The following MAF variants were observed in gnomAD, a reference collection of about 807,000 sequenced individuals.
MAF encodes the protein MAF bZIP transcription factor.
A neutral mutation model predicts 22.0 loss-of-function variants in MAF; 10 were observed. The ratio of observed to expected loss-of-function variants is 0.45; its 90% CI spans 0.28 to 0.77. The LOEUF (loss-of-function observed/expected upper bound fraction) is 0.77, where lower values mean the gene tolerates loss of function less well. Among genes scored for constraint, MAF ranks in the 30% least tolerant of loss-of-function variants. MAF has a pLI of 0.12. For missense variants in MAF, 544 were observed against 548.4 expected, an observed-to-expected ratio of 0.99 and a Z score of 0.08; for synonymous variants, 337 against 255.8, an observed-to-expected ratio of 1.32 and a Z score of -3.03.
At chr16:79,495,182 C>G in the MAF span, among the ~76,000 whole-genome samples, 1 of 152,088 alleles carries the variant, frequency 6.6e-6, no homozygotes, top group Non-Finnish European at 1.5e-5. Flanking sequence ...AAAGATGTGG[C>G]CAAACTCGGT....
chr16:79,541,809 C>T, the MAF span, among the ~76,000 whole-genome samples: 3 of 151,940 alleles, frequency 2.0e-5, no homozygotes, highest in Non-Finnish European at 4.4e-5. Context: ...GCAGGCACCA[C>T]CACGCCCAGC....
At chr16:79,516,036 CT>C in the MAF span, 2 of 148,440 alleles carry the variant, frequency 1.3e-5, no homozygotes, top group African/African-American at 5.0e-5. Context: ...GCTCAAGTGG[CT>C]CCTATCCCAT....
the MAF span, among the ~76,000 whole-genome samples, chr16:79,530,159 C>T: frequency 2.6e-5 from 4 of 152,026 alleles, no homozygotes; most frequent in African/African-American, 9.7e-5. Context: ...TGAAGATATC[C>T]CATAACAATT....
the MAF span, among the ~76,000 whole-genome samples, chr16:79,534,316 T>C: frequency 3.3e-5 from 5 of 152,208 alleles, no homozygotes; most frequent in Non-Finnish European, 7.3e-5. Context: ...TCCTTCTACC[T>C]CACCGCATTA....
In MAF at chr16:79,600,027, C is replaced by A; in HGVS notation, c.-125G>T. On this transcript the variant is annotated 5_prime_UTR_variant, in exon 1 of 2. Transcript: ENST00000326043. The stretch of plus-strand genomic sequence containing the variant: ...GCCGGGCTGGGGCGCTTCTAGCTTG[C>A]GCGGCGGTGGCTGGCCCGAAACCTC... The A allele has an allele frequency of 1.4e-6, 2 of 1,386,716 alleles. No homozygotes were observed. The highest frequency in any genetic ancestry group is 1.3e-5 in the South Asian group (1 of 79,428). The allele number at this position is 1,386,716 out of a possible 1,614,324, so 85.9% of individuals were successfully genotyped here.
chr16:79,389,847 G>A, the MAF span, among the ~76,000 whole-genome samples: 2 of 151,274 alleles, frequency 1.3e-5, no homozygotes, highest in East Asian at 2.0e-4. Flanking sequence ...GTGGTGGTGG[G>A]CGCCTGTAGT....
chr16:79,348,149 C>G, the MAF span, among the ~76,000 whole-genome samples: 1 of 152,248 alleles, frequency 6.6e-6, no homozygotes, highest in Admixed American at 6.5e-5. Context: ...TTTGGATGGC[C>G]AAACGGCCTC....
chr16:79,575,802 G>A, the MAF span, among the ~76,000 whole-genome samples: 16 of 152,164 alleles, frequency 1.1e-4, no homozygotes, highest in African/African-American at 3.9e-4. Context: ...AAACCTGAAA[G>A]CATAGTTTTT....
the MAF span, among the ~76,000 whole-genome samples, chr16:79,225,031 C>A: frequency 2.0e-5 from 3 of 152,244 alleles, no homozygotes; most frequent in African/African-American, 7.2e-5. Flanking sequence ...TCATATGGAA[C>A]CAAAAAAGAG....
At chr16:79,491,062 A>T in the MAF span, among the ~76,000 whole-genome samples, 5 of 152,250 alleles carry the variant, frequency 3.3e-5, no homozygotes, top group Non-Finnish European at 7.3e-5. Flanking sequence ...GATAGTCTGA[A>T]TTCCGAAAGG....
chr16:79,211,663 T>A, the MAF span: 3 of 1,614,220 alleles, frequency 1.9e-6, no homozygotes, highest in Non-Finnish European at 2.5e-6. Context: ...CTGGAGGGTC[T>A]GGGAGGGATG....
At chr16:79,554,399 G>A in the MAF span, among the ~76,000 whole-genome samples, 2 of 152,162 alleles carry the variant, frequency 1.3e-5, no homozygotes, top group Non-Finnish European at 2.9e-5. Context: ...GTAGAAAAAC[G>A]TGGGCTACAT....
At chr16:79,397,754 G>A in the MAF span, among the ~76,000 whole-genome samples, 3 of 152,108 alleles carry the variant, frequency 2.0e-5, no homozygotes, top group Non-Finnish European at 2.9e-5. Flanking sequence ...GGCCAGGCTG[G>A]CTCTAAGGGT....
At chr16:79,534,775 T>G in the MAF span, among the ~76,000 whole-genome samples, 3 of 152,144 alleles carry the variant, frequency 2.0e-5, no homozygotes, top group Non-Finnish European at 2.9e-5. Context: ...CTGTGACCAG[T>G]TGTCAGGCAC....
chr16:79,536,058 T>G, the MAF span, among the ~76,000 whole-genome samples: 1 of 152,210 alleles, frequency 6.6e-6, no homozygotes, highest in African/African-American at 2.4e-5. Context: ...CAATAGGTGC[T>G]CAGTAAATAC....
chr16:79,409,631 C>A, the MAF span, among the ~76,000 whole-genome samples: 3 of 152,212 alleles, frequency 2.0e-5, no homozygotes, highest in Non-Finnish European at 4.4e-5. Flanking sequence ...ACCCAGCTCA[C>A]TGAATCCCTC....
the MAF span, among the ~76,000 whole-genome samples, chr16:79,394,457 T>G: frequency 6.6e-6 from 1 of 152,194 alleles, no homozygotes; most frequent in African/African-American, 2.4e-5. Context: ...ATGCATCTTT[T>G]ACTGCCTGCA....
the MAF span, chr16:79,203,236 C>G: frequency 2.6e-5 from 4 of 152,176 alleles, no homozygotes; most frequent in Admixed American, 2.0e-4. Context: ...ATAAATGAGA[C>G]ACTCTCCACA....
the MAF span, among the ~76,000 whole-genome samples, chr16:79,301,082 C>G: frequency 6.6e-6 from 1 of 152,094 alleles, no homozygotes. Context: ...CAAGCGGAGT[C>G]TCAACAAAGA....
Sources: gnomAD v4.1 joint callset for allele counts (sites outside exome capture counted in the v4.1 genomes callset) on GRCh38, gnomAD v4.1.1 for gene constraint, MANE v1.5 for transcripts, NCBI Gene and HGNC (gene_info 2026-07-23, HGNC 2026-07-21) for gene names.